Variants in TP53BP1 observed in about 807,000 individuals in gnomAD.
TP53BP1 encodes tumor protein p53 binding protein 1.
A neutral mutation model predicts 200.8 loss-of-function variants in TP53BP1; 61 were observed. The ratio of observed to expected loss-of-function variants is 0.30; its 90% CI spans 0.25 to 0.38. The LOEUF is 0.38. Among genes scored for constraint, TP53BP1 ranks in the 10% least tolerant of loss-of-function variants. The probability of loss-of-function intolerance (pLI) is 1.00; values close to 1 mark genes in which losing one functional copy is unlikely to be tolerated. For missense variants in TP53BP1, 2,144 were observed against 2,371.9 expected (o/e 0.90, Z 2.00); for synonymous variants, 822 against 844.3 (o/e 0.97, Z 0.46).
intron 10 of TP53BP1, 40 bp from the exon 11 acceptor site, chr15:43,470,106 C>G: frequency 6.7e-7 from 1 of 1,497,024 alleles, no homozygotes; most frequent in Middle Eastern, 2.4e-4. Context: ...AAATATCACT[C>G]ATCAATATTA....
rs2078956156 is a variant in TP53BP1 at position 43,480,952 on chromosome 15, C to T, written c.442G>A (p.Glu148Lys). The T allele has an allele frequency of 6.2e-7, 1 of 1,614,114 alleles. No individual in the cohort carries two copies. Residue 148 changes from glutamate (E) to lysine (K), a missense_variant, in exon 5 of 28, where the codon GAG becomes AAG. Physicochemically the swap from Glu to Lys is moderately conservative, Grantham distance 56. This residue lies in a region of TP53BP1 where 1,700 missense variants were observed against 1,710.3 expected (regional missense o/e 0.99). Coordinates refer to ENST00000382044, the MANE Select transcript of TP53BP1 (RefSeq NM_001141980.3). Reference sequence around the variant, plus strand: ...GAAGTATCTTCTTCCTTCTCTTTCTCCTTCTGTTCCAACTCTTCTCCCTTC... The same window carrying T: ...GAAGTATCTTCTTCCTTCTCTTTCTTCTTCTGTTCCAACTCTTCTCCCTTC... ...EEKGEELEQK[E>K]KEKEEDTSGN...
At chr15:43,409,775 C>A (rs1255934816) in intron 24 of TP53BP1, 34 bp from the exon 25 acceptor site, 2 of 1,139,768 alleles carry the variant, frequency 1.8e-6, no homozygotes, top group Non-Finnish European at 2.5e-6. Context: ...ATAATAATTA[C>A]TGAGTGGTTT....
intron 17 of TP53BP1, among the ~76,000 whole-genome samples, chr15:43,429,621 A>T (rs890068791): frequency 1.3e-5 from 2 of 152,222 alleles, no homozygotes; most frequent in Non-Finnish European, 2.9e-5. Context: ...CTCCAATTCC[A>T]ACTTGGAAAC....
chr15:43,438,238 C>T, intron 16 of TP53BP1, 86 bp downstream of exon 16: 2 of 1,195,320 alleles, frequency 1.7e-6, no homozygotes, highest in African/African-American at 3.0e-5. Flanking sequence ...CACATTCAAA[C>T]CACAGCACAG....
chr15:43,439,256 C>T (rs2245908), intron 15 of TP53BP1, among the ~76,000 whole-genome samples: 2 of 151,958 alleles, frequency 1.3e-5, no homozygotes, highest in Non-Finnish European at 2.9e-5. Flanking sequence ...GTTTCATGTA[C>T]GCTGGGCACG....
intron 11 of TP53BP1, among the ~76,000 whole-genome samples, chr15:43,460,336 T>C (rs745621469): frequency 6.6e-5 from 10 of 152,022 alleles, no homozygotes; most frequent in Non-Finnish European, 1.5e-4. Context: ...TCACGGCTCA[T>C]TGCAGCCTTA....
intron 10 of TP53BP1, among the ~76,000 whole-genome samples, chr15:43,470,667 C>T (rs1252636760): frequency 6.6e-6 from 1 of 151,902 alleles, no homozygotes; most frequent in Non-Finnish European, 1.5e-5. Flanking sequence ...TAGGAGGGAA[C>T]ACACACACAC....
At position 43,456,651 on chromosome 15, in the gene TP53BP1, T is replaced by C. The variant is rs45443496; in HGVS notation, c.1957A>G (p.Met653Val). ...TCTGGATGGTGTTCTTTAATTTCCA[T>C]AGCTTCCTCCTGATCTAACACACTA... ...LSSVLDQEEA[M>V]EIKEHHPEEG... Residue 653 changes from methionine to valine, a missense_variant, in exon 12 of 28, where the codon ATG (methionine) becomes GTG (valine). Around this residue, in one of 4 missense-constraint regions of TP53BP1, gnomAD observed 1,700 missense variants for 1,710.3 expected, o/e 0.99. Transcript: ENST00000382044. The C allele has an allele frequency of 1.4e-4, 224 of 1,614,178 alleles. No homozygotes were observed. In the Admixed American group the frequency reaches 2.4e-3, roughly 17 times the overall value.
chr15:43,434,457 C>A (rs865872571), intron 16 of TP53BP1, among the ~76,000 whole-genome samples: 1 of 152,226 alleles, frequency 6.6e-6, no homozygotes, highest in East Asian at 1.9e-4. Context: ...CTATCCTAAA[C>A]AAGCTTATAA....
At chr15:43,498,297 G>A (rs2079191941) in intron 1 of TP53BP1, among the ~76,000 whole-genome samples, 2 of 152,088 alleles carry the variant, frequency 1.3e-5, no homozygotes, top group Admixed American at 1.3e-4. Flanking sequence ...GAGAAAAGTG[G>A]TAAATTTGCA....
At chr15:43,472,306 T>C (rs1336754911) in intron 10 of TP53BP1, among the ~76,000 whole-genome samples, 4 of 152,226 alleles carry the variant, frequency 2.6e-5, no homozygotes, top group Non-Finnish European at 1.5e-5. Flanking sequence ...CTATACTAAG[T>C]GCTCAATAAA....
chr15:43,435,186 C>A (rs1158289090), intron 16 of TP53BP1, among the ~76,000 whole-genome samples: 2 of 134,646 alleles, frequency 1.5e-5, no homozygotes, highest in Non-Finnish European at 3.0e-5. Context: ...TCCCTCGAAC[C>A]TGGGAGGTGG....
At chr15:43,491,927 A>G (rs1595629192) in intron 3 of TP53BP1, 75 bp downstream of exon 3, 5 of 1,255,522 alleles carry the variant, frequency 4.0e-6, no homozygotes, top group South Asian at 1.2e-5. Context: ...ACAACCACAT[A>G]AAGTTTAAAT....
At chr15:43,445,016 C>A (rs1405079929) in intron 14 of TP53BP1, among the ~76,000 whole-genome samples, 2 of 152,132 alleles carry the variant, frequency 1.3e-5, no homozygotes, top group Non-Finnish European at 2.9e-5. Flanking sequence ...AATAGTGGAA[C>A]ACTAGGCATA....
Position 43,432,591 on chromosome 15 carries a change from T to A in TP53BP1, c.3278A>T (p.Gln1093Leu). 1 of 1,614,170 alleles carries A rather than the reference T, an allele frequency of 6.2e-7. No homozygotes were observed. Among genetic ancestry groups the A allele is most frequent in the East Asian group, 2.2e-5 (1 of 44,890 alleles). The change falls in exon 17 of 28, where the codon CAG (glutamine) becomes CTG (leucine). Residue 1093 changes from glutamine (Q) to leucine (L), a missense_variant. Coordinates refer to ENST00000382044, the MANE Select transcript of TP53BP1 (RefSeq NM_001141980.3). ...EGDHTIRQSQQPMKPISPVKD... is the reference protein window; with the variant it reads ...EGDHTIRQSQLPMKPISPVKD... Reference sequence around the variant, plus strand: ...GACAGGACTAATGGGCTTCATAGGCTGTTGACTCTGCCTGATTGTATGGTC... The same window carrying A: ...GACAGGACTAATGGGCTTCATAGGCAGTTGACTCTGCCTGATTGTATGGTC...
chr15:43,415,354 G>A (rs1005559564), intron 23 of TP53BP1: 11 of 595,110 alleles, frequency 1.8e-5, no homozygotes, highest in African/African-American at 3.7e-5. Context: ...TATTACAGGC[G>A]CCCGCCACCA....
At chr15:43,493,328 T>C (rs1234609693), upstream of TP53BP1, among the ~76,000 whole-genome samples, 1 of 152,126 alleles carries the variant, frequency 6.6e-6, no homozygotes, top group Non-Finnish European at 1.5e-5. Context: ...GGCCCTCCCC[T>C]TTAGTAGAGC....
intron 12 of TP53BP1, among the ~76,000 whole-genome samples, chr15:43,451,554 T>G (rs2046171389): frequency 6.6e-6 from 1 of 152,210 alleles, no homozygotes; most frequent in Non-Finnish European, 1.5e-5. Context: ...ATGGTGTATA[T>G]GTGCCACATT....
chr15:43,407,792 T>C, intron 27 of TP53BP1, 151 bp downstream of exon 27: 1 of 845,982 alleles, frequency 1.2e-6, no homozygotes, highest in Non-Finnish European at 1.8e-6. Flanking sequence ...TTCACTTATG[T>C]TGACTCACCT....
Sources: gnomAD v4.1 joint callset for allele counts (sites outside exome capture counted in the v4.1 genomes callset) on GRCh38, gnomAD v4.1.1 for gene constraint, gnomAD v4.1.1 regional missense constraint, MANE v1.5 for transcripts, NCBI Gene and HGNC (gene_info 2026-07-23, HGNC 2026-07-21) for gene names.